The following NPHP1 variants were observed in gnomAD, a reference collection of about 807,000 sequenced individuals.
The protein encoded by NPHP1 is nephrocystin 1.
Under a neutral mutation model 90.4 loss-of-function variants are expected in NPHP1, and 70 were observed. The observed-to-expected ratio is 0.77, with a 90% CI of 0.64 to 0.95. The LOEUF is 0.95. Ranked by LOEUF, NPHP1 falls within the 40% of genes least tolerant of loss-of-function variation. NPHP1 has a pLI of 0.00. For synonymous variants in NPHP1, 256 were observed against 271.7 expected (o/e 0.94, Z 0.57); for missense variants, 764 against 795.9 (o/e 0.96, Z 0.48).
At chr2:110,198,850 C>T (rs142956195) in intron 2 of NPHP1, among the ~76,000 whole-genome samples, 110 of 152,190 alleles carry the variant, frequency 7.2e-4, no homozygotes, top group Middle Eastern at 3.4e-3. Context: ...AATAATCAAC[C>T]TAGTCCCTCA....
intron 17 of NPHP1, among the ~76,000 whole-genome samples, chr2:110,130,049 T>C (rs187439335): frequency 1.3e-3 from 197 of 152,292 alleles, no homozygotes; most frequent in Non-Finnish European, 2.3e-3. Flanking sequence ...GGAGGAACAC[T>C]GTGCCATCAC....
At chr2:110,176,105 T>C (rs192462039) in intron 4 of NPHP1, among the ~76,000 whole-genome samples, 48 of 152,192 alleles carry the variant, frequency 3.2e-4, no homozygotes, top group South Asian at 3.1e-3. Context: ...TATCAATCTT[T>C]TCCTATAAAT....
chr2:110,167,146 C>T (rs1429413752), intron 6 of NPHP1, among the ~76,000 whole-genome samples: 1 of 152,002 alleles, frequency 6.6e-6, no homozygotes, highest in African/African-American at 2.4e-5. Context: ...TTCTTTGTCA[C>T]TGATTCCTGG....
At chr2:110,144,406 G>A (rs867512445) in intron 15 of NPHP1, 87 bp downstream of exon 15, 72 of 832,636 alleles carry the variant, frequency 8.6e-5, no homozygotes, top group African/African-American at 7.7e-4. Flanking sequence ...AGTAAAAAAC[G>A]CTATGCTTAT....
At chr2:110,143,497 C>T (rs1680796943) in intron 16 of NPHP1, 45 bp downstream of exon 16, 3 of 1,301,476 alleles carry the variant, frequency 2.3e-6, no homozygotes, top group Non-Finnish European at 1.1e-6. Context: ...TCTCCAAGTG[C>T]TGAATGATCC....
chr2:110,163,124 A>C lies in NPHP1; in HGVS notation c.783T>G (p.Thr261=), dbSNP rs148014935. 1 of 1,610,304 alleles carries C rather than the reference A, an allele frequency of 6.2e-7. No homozygotes were observed. The highest frequency in any genetic ancestry group is 1.3e-5 in the African/African-American group (1 of 75,000). Residue 261 remains threonine (T), a synonymous_variant, in exon 9 of 20, where the codon ACT becomes ACG. Coordinates refer to ENST00000445609, the MANE Select transcript of NPHP1 (RefSeq NM_001128178.3). ...VQKAISEQIN[T]VDVLTTMGAI... ...CTCCCATCGTAGTTAACACATCAAC[A>C]GTGTTTATCTGCTGAAGACAGTAAC...
intron 2 of NPHP1, chr2:110,184,270 G>T (rs1684122779): frequency 5.1e-6 from 3 of 588,298 alleles, no homozygotes; most frequent in African/African-American, 3.7e-5. Context: ...CTCTCAATCT[G>T]CTATCTCACG....
intron 7 of NPHP1, 129 bp downstream of exon 7, chr2:110,164,923 A>G (rs1479171374): frequency 2.3e-6 from 2 of 885,942 alleles, no homozygotes; most frequent in African/African-American, 3.3e-5. Context: ...TAAGCAGACA[A>G]TAGTATGAAA....
intron 17 of NPHP1, 70 bp from the exon 18 acceptor site, chr2:110,129,329 A>G: frequency 9.1e-7 from 1 of 1,095,032 alleles, no homozygotes. Flanking sequence ...AATAGACACA[A>G]AAATATTCAG....
chr2:110,150,141 T>C, intron 12 of NPHP1, 41 bp downstream of exon 12: 2 of 1,404,630 alleles, frequency 1.4e-6, no homozygotes, highest in Non-Finnish European at 2.0e-6. Flanking sequence ...TATGTTCTAC[T>C]TTGAAATTCA....
At chr2:110,141,898 G>A (rs567221857) in intron 16 of NPHP1, among the ~76,000 whole-genome samples, 51 of 151,330 alleles carry the variant, frequency 3.4e-4, no homozygotes, top group African/African-American at 1.2e-3. Flanking sequence ...GCGTGAACCC[G>A]GGAGGCGGAG....
chr2:110,191,750 C>T (rs1310097440), intron 2 of NPHP1, among the ~76,000 whole-genome samples: 5 of 152,178 alleles, frequency 3.3e-5, no homozygotes, highest in Admixed American at 6.5e-5. Flanking sequence ...AACTGGGAGG[C>T]ACCCCCCAGT....
At chr2:110,192,497 T>C (rs1019458586) in intron 2 of NPHP1, among the ~76,000 whole-genome samples, 1 of 152,084 alleles carries the variant, frequency 6.6e-6, no homozygotes, top group Non-Finnish European at 1.5e-5. Flanking sequence ...CCAAGAAATA[T>C]GGGACTATGT....
At chr2:110,126,117 C>T (rs764278109) in intron 18 of NPHP1, 1 of 200,600 alleles carries the variant, frequency 5.0e-6, no homozygotes, top group South Asian at 9.6e-5. Flanking sequence ...GACTGAAGTA[C>T]AATTTTGTGA....
chr2:110,184,909 C>G lies in NPHP1; in HGVS notation c.144-5225G>C. 4 of 690,696 alleles carry G rather than the reference C, an allele frequency of 5.8e-6. No individual in the cohort carries two copies. The Admixed American group carries it at 7.1e-5, about 12-fold the overall frequency. The allele number at this position is 690,696 out of a possible 1,614,324, so 42.8% of individuals were successfully genotyped here. On this transcript the variant is annotated intron_variant, in intron 2 of 19. Transcript: ENST00000445609. ...AGGAGAGTGAAGGCATCCACAAGGT[C>G]CTGGTGTTCGCCATCCAGAAGTCAG... is the stretch of plus-strand genomic sequence containing the variant.
At chr2:110,153,518 A>G (rs1681643459) in intron 11 of NPHP1, among the ~76,000 whole-genome samples, 1 of 152,196 alleles carries the variant, frequency 6.6e-6, no homozygotes, top group African/African-American at 2.4e-5. Flanking sequence ...GAAAGTAAAG[A>G]ACTAAAGGAA....
At position 110,177,982 on chromosome 2, in the gene NPHP1, C is replaced by A. The variant is rs549229355; in HGVS notation, c.329+441G>T. Reference sequence around the variant, plus strand: ...TCTTGAACTCCTGGCCTCAAGTGATCCTCCTGCCTCAGCCTTCCAAAATGC... The same window carrying A: ...TCTTGAACTCCTGGCCTCAAGTGATACTCCTGCCTCAGCCTTCCAAAATGC... On this transcript the variant is annotated intron_variant, in intron 4 of 19. Transcript: ENST00000445609. 12 of 193,908 alleles carry A rather than the reference C, an allele frequency of 6.2e-5. No homozygotes were observed. The South Asian group carries it at 1.2e-3, about 19-fold the overall frequency. The allele number at this position is 193,908 out of a possible 1,614,324, so 12.0% of individuals were successfully genotyped here.
chr2:110,168,709 G>A (rs187179710), intron 5 of NPHP1, among the ~76,000 whole-genome samples, 156 bp from the exon 6 acceptor site: 97 of 151,596 alleles, frequency 6.4e-4, no homozygotes, highest in African/African-American at 2.2e-3. Flanking sequence ...CCTATCACCC[G>A]ACCCCTATGT....
At chr2:110,179,041 G>A in intron 3 of NPHP1, 1 of 157,476 alleles carries the variant, frequency 6.4e-6, no homozygotes, top group South Asian at 1.9e-4. Flanking sequence ...CTCAGATGCA[G>A]TAAAGGGGAG....
Sources: gnomAD v4.1 joint callset for allele counts (sites outside exome capture counted in the v4.1 genomes callset) on GRCh38, gnomAD v4.1.1 for gene constraint, MANE v1.5 for transcripts, NCBI Gene and HGNC (gene_info 2026-07-23, HGNC 2026-07-21) for gene names.